Variants in ARL17A observed in about 807,000 individuals in gnomAD.
The protein encoded by ARL17A is ADP-ribosylation factor-like 17-like.
chr17:46,534,629 G>C (rs1473847357), intron 4 of ARL17A, among the ~76,000 whole-genome samples: 5 of 148,112 alleles, frequency 3.4e-5, no homozygotes, highest in Admixed American at 6.6e-5. Flanking sequence ...TCTGATTTCT[G>C]TATCTTTTCC....
At chr17:46,558,071 T>TC (rs2057380086) in intron 3 of ARL17A, among the ~76,000 whole-genome samples, 1 of 138,170 alleles carries the variant, frequency 7.2e-6, no homozygotes, top group African/African-American at 2.8e-5. Context: ...TGTTTTTTTT[T>TC]CTTTTAAGGT....
chr17:46,534,159 A>G (rs2054180186), intron 4 of ARL17A, among the ~76,000 whole-genome samples: 1 of 147,564 alleles, frequency 6.8e-6, no homozygotes, highest in Non-Finnish European at 1.5e-5. Flanking sequence ...GACTACAGGC[A>G]TGCACCACCA....
chr17:46,539,768 CAAAAAAAAAAA>C (rs1204528686), intron 3 of ARL17A, among the ~76,000 whole-genome samples: 1 of 67,036 alleles, frequency 1.5e-5, no homozygotes, highest in Non-Finnish European at 2.7e-5. Context: ...GACTCCATCT[CAAAAAAAAAAA>C]AAAAAAAAAA....
At chr17:46,501,358 A>T in the ARL17A span, among the ~76,000 whole-genome samples, 4 of 151,114 alleles carry the variant, frequency 2.6e-5, no homozygotes, top group Non-Finnish European at 5.9e-5. Context: ...GTATTTTAGT[A>T]GAGATAGAGT....
At chr17:46,551,123 T>C (rs1329669610), downstream of ARL17A, among the ~76,000 whole-genome samples, 3 of 149,704 alleles carry the variant, frequency 2.0e-5, no homozygotes, top group Non-Finnish European at 4.4e-5. Flanking sequence ...GCCTAGACCC[T>C]CTGTGAGATG....
Position 46,537,077 on chromosome 17 carries a change from ATTTTTTTTTTTT to A in ARL17A, c.335+1262_335+1273del, listed in dbSNP as rs766255014. The stretch of plus-strand genomic sequence containing the variant: ...GTTCTGAAAAAGTTTATTGTGGTCA[ATTTTTTTTTTTT>A]TTTTTTTTTTTTTTTTTGCTATTTT... On this transcript the variant is annotated intron_variant, in intron 4 of 4. Coordinates refer to the ARL17A transcript ENST00000329240. Among the ~76,000 whole-genome samples the A allele has an allele frequency of 0.011, 388 of 34,804 alleles. 20 individuals are homozygous for A. In the East Asian group the frequency reaches 0.15, roughly 14 times the overall value. 22.8% of individuals were successfully genotyped at this position (34,804 alleles called of 152,430 possible). A position where few individuals can be genotyped will look rare whatever the true frequency, so the allele number is the denominator to read the frequency against.
intron 3 of ARL17A, among the ~76,000 whole-genome samples, chr17:46,558,553 ATTTT>A (rs58227880): frequency 1.0e-5 from 1 of 100,248 alleles, no homozygotes; most frequent in Non-Finnish European, 2.0e-5. Flanking sequence ...TGCCCGGCCA[ATTTT>A]TTTTTTTTTT....
At chr17:46,501,427 C>T in the ARL17A span, among the ~76,000 whole-genome samples, 2 of 151,228 alleles carry the variant, frequency 1.3e-5, no homozygotes, top group East Asian at 1.9e-4. Context: ...CACCCGCCTT[C>T]GCCTCCCAAA....
chr17:46,541,311 G>C (rs1028452968), intron 3 of ARL17A, among the ~76,000 whole-genome samples: 1 of 150,020 alleles, frequency 6.7e-6, no homozygotes, highest in African/African-American at 2.5e-5. Flanking sequence ...CAGTGCAGCG[G>C]CATGACCTAG....
At chr17:46,548,299 T>A, downstream of ARL17A, 1 of 432,846 alleles carries the variant, frequency 2.3e-6, no homozygotes, top group Non-Finnish European at 3.7e-6. Context: ...AGCAGTCTCT[T>A]CTTTTTTGAC....
At chr17:46,541,456 TG>T (rs1381208288) in intron 3 of ARL17A, among the ~76,000 whole-genome samples, 1 of 149,280 alleles carries the variant, frequency 6.7e-6, no homozygotes, top group Non-Finnish European at 1.5e-5. Flanking sequence ...TTCGCCATGT[TG>T]GCCAGGGTGG....
chr17:46,532,069 G>A (rs979847919), intron 4 of ARL17A, among the ~76,000 whole-genome samples: 6 of 150,408 alleles, frequency 4.0e-5, no homozygotes, highest in African/African-American at 1.5e-4. Flanking sequence ...GGGCAACAGA[G>A]TGAGACTCCA....
At chr17:46,525,462 C>A (rs1467736739), downstream of ARL17A, among the ~76,000 whole-genome samples, 2 of 112,346 alleles carry the variant, frequency 1.8e-5, no homozygotes, top group African/African-American at 6.4e-5. Flanking sequence ...TGGCAGGCAA[C>A]TGTAATCCTA....
At chr17:46,545,433 CAAAAT>C (rs1183314641) in intron 3 of ARL17A, among the ~76,000 whole-genome samples, 139 of 101,154 alleles carry the variant, frequency 1.4e-3, no homozygotes, top group African/African-American at 7.2e-3. Flanking sequence ...GCCTGGGTGA[CAAAAT>C]AAAAATAAAA....
downstream of ARL17A, among the ~76,000 whole-genome samples, chr17:46,525,639 A>G (rs1303916413): frequency 8.1e-6 from 1 of 122,734 alleles, no homozygotes; most frequent in African/African-American, 2.8e-5. Flanking sequence ...CATCATCATC[A>G]TCATCATCTA....
intron 3 of ARL17A, among the ~76,000 whole-genome samples, chr17:46,539,503 C>T (rs1396632710): frequency 1.3e-5 from 2 of 151,224 alleles, no homozygotes; most frequent in Non-Finnish European, 1.5e-5. Context: ...TGGCTCATGC[C>T]AGTAATCCTA....
chr17:46,542,526 G>GATATATAT (rs879872588), intron 3 of ARL17A, among the ~76,000 whole-genome samples: 73 of 145,610 alleles, frequency 5.0e-4, no homozygotes, highest in Non-Finnish European at 6.9e-4. Flanking sequence ...TATATATATA[G>GATATATAT]ATATAGATAT....
At chr17:46,531,931 C>T (rs1222411909) in intron 4 of ARL17A, among the ~76,000 whole-genome samples, 4 of 139,106 alleles carry the variant, frequency 2.9e-5, no homozygotes, top group South Asian at 2.2e-4. Context: ...AGAGTCTTAT[C>T]GTTTTGGCTC....
Position 46,555,413 on chromosome 17 carries a change from C to CAGGG in ARL17A, c.*1939_*1942dup. 6.8e-7 allele frequency: 1 copy of CAGGG among 1,476,282 alleles called. No homozygotes were observed. Among genetic ancestry groups the CAGGG allele is most frequent in the East Asian group, 2.6e-5 (1 of 38,432 alleles). 91.4% of individuals were successfully genotyped at this position (1,476,282 alleles called of 1,614,324 possible). ...CATCTAATGAGGACAAGATCCTCAA[C>CAGGG]AGGGACCCTGGGTAAATGATGGGGC... On this transcript the variant is annotated 3_prime_UTR_variant, in exon 4 of 4. Transcript: ENST00000336125.
Sources: gnomAD v4.1 joint callset for allele counts (sites outside exome capture counted in the v4.1 genomes callset) on GRCh38, gnomAD v4.1.1 for gene constraint, MANE v1.5 for transcripts, NCBI Gene and HGNC (gene_info 2026-07-23, HGNC 2026-07-21) for gene names.